Variants in SLPI observed in about 807,000 individuals in gnomAD.
The protein encoded by SLPI is secretory leukocyte peptidase inhibitor.
A neutral mutation model predicts 14.3 loss-of-function variants in SLPI; 20 were observed. The observed-to-expected ratio is 1.40, with a 90% CI of 0.99 to 2.04. SLPI has a LOEUF of 2.04. Among genes scored for constraint, SLPI ranks in the 30% most tolerant of loss-of-function variants. The pLI is 0.00. For synonymous variants in SLPI, 68 were observed against 54.8 expected (o/e 1.24, Z -1.07); for missense variants, 169 against 159.4 (o/e 1.06, Z -0.32).
At position 45,253,287 on chromosome 20, in the gene SLPI, T is replaced by C. The variant is rs2145610743; in HGVS notation, c.245-136A>G. The stretch of plus-strand genomic sequence containing the variant: ...CTCCCCACCTCTATCACCACCACCT[T>C]CTCCCTAAGGCGGCCCCCAAACATA... On this transcript the variant is annotated intron_variant, in intron 2 of 3. Transcript: ENST00000338380. 4.6e-6 allele frequency: 5 copies of C among 1,093,976 alleles called. No individual in the cohort carries two copies. In the South Asian group the frequency reaches 7.9e-5, roughly 17 times the overall value. The allele number at this position is 1,093,976 out of a possible 1,614,324, so 67.8% of individuals were successfully genotyped here. A position where few individuals can be genotyped will look rare whatever the true frequency, so the allele number is the denominator to read the frequency against.
rs1984684357 is a variant in SLPI, at chr20:45,252,296, C to G, written c.*119G>C. 9 of 870,160 alleles carry G rather than the reference C, an allele frequency of 1.0e-5. No individual in the cohort carries two copies. Among genetic ancestry groups the G allele is most frequent in the South Asian group, 5.1e-5 (3 of 59,284 alleles). The allele number at this position is 870,160 out of a possible 1,614,324, so 53.9% of individuals were successfully genotyped here. A position where few individuals can be genotyped will look rare whatever the true frequency, so the allele number is the denominator to read the frequency against. ...TTGATCAACTGGCACTTCTTGAAAG[C>G]CTGCTGTGTGCCAAGCCTTTCCCCA... On this transcript the variant is annotated 3_prime_UTR_variant, in exon 4 of 4. Coordinates refer to ENST00000338380, the MANE Select transcript of SLPI (RefSeq NM_003064.4).
At chr20:45,253,820 G>A (rs1984738812) in intron 1 of SLPI, 87 bp from the exon 2 acceptor site, 5 of 1,254,306 alleles carry the variant, frequency 4.0e-6, no homozygotes, top group Non-Finnish European at 5.6e-6. Context: ...CTTTTGAGGG[G>A]GAGAGACCCT....
chr20:45,252,692 C>T (rs943132996), intron 3 of SLPI, among the ~76,000 whole-genome samples: 2 of 152,176 alleles, frequency 1.3e-5, no homozygotes, highest in African/African-American at 4.8e-5. Context: ...ATTCTTAGTG[C>T]ACATAGTGCT....
chr20:45,254,484 A>G lies in SLPI; in HGVS notation c.60T>C (p.Pro20=), dbSNP rs1440623679. ...LVLLALGTLA[P]WAVEGSGKSF... is the part of the protein sequence containing the mutation. ...ACTTTCCAGAGCCTTCCACAGCCCAAGGTGCCAGAGTTCCCAGGGCAAGCA... is the reference window on the plus strand; with the variant it reads ...ACTTTCCAGAGCCTTCCACAGCCCAGGGTGCCAGAGTTCCCAGGGCAAGCA... The change falls in exon 1 of 4, where the codon CCT becomes CCC. Residue 20 remains proline (P), a synonymous_variant. Transcript: ENST00000338380. 3 of 1,614,166 alleles carry G rather than the reference A, an allele frequency of 1.9e-6. No homozygotes were observed. The highest frequency in any genetic ancestry group is 1.7e-4 in the Middle Eastern group (1 of 6,060).
At chr20:45,253,303 C>T (rs935382950) in intron 2 of SLPI, 152 bp from the exon 3 acceptor site, 1 of 1,002,844 alleles carries the variant, frequency 1.0e-6, no homozygotes, top group South Asian at 1.7e-5. Flanking sequence ...TAAGGCGGCC[C>T]CCAAACATAG....
chr20:45,254,532 G>A lies in SLPI; in HGVS notation c.12C>T (p.Ser4=), dbSNP rs544273896. The A allele has an allele frequency of 8.7e-6, 14 of 1,613,818 alleles. No individual in the cohort carries two copies. The highest frequency in any genetic ancestry group is 4.5e-5 in the East Asian group (2 of 44,894). MKS[S]GLFPFLVLLA... The stretch of plus-strand genomic sequence containing the variant: ...GCAGCACCAGGAAGGGGAAGAGGCC[G>A]CTGGACTTCATGGTGAAGGCAGGAG... Residue 4 remains serine (S), a synonymous_variant, in exon 1 of 4, where the codon AGC becomes AGT. Transcript: ENST00000338380.
intron 1 of SLPI, 78 bp downstream of exon 1, chr20:45,254,381 A>AT (rs1245203397): frequency 8.2e-7 from 1 of 1,213,616 alleles, no homozygotes; most frequent in Non-Finnish European, 1.2e-6. Context: ...AGCCTACAGA[A>AT]GGGGACACAC....
Position 45,253,707 on chromosome 20 carries a change from TAGG to T in SLPI, c.109_111del (p.Pro37del), listed in dbSNP as rs1243441784. The T allele has an allele frequency of 1.9e-6, 3 of 1,613,996 alleles. No homozygotes were observed. The highest frequency in any genetic ancestry group is 2.7e-5 in the African/African-American group (2 of 74,894). ...TATCTAAGGCACTGGGCAGATTTCT[TAGG>T]AGGACAGACTCCAGCTTTGAAGGCT... On this transcript the variant is annotated inframe_deletion, in exon 2 of 4. Coordinates refer to ENST00000338380, the MANE Select transcript of SLPI (RefSeq NM_003064.4).
intron 3 of SLPI, 58 bp from the exon 4 acceptor site, chr20:45,252,477 A>C: frequency 6.3e-7 from 1 of 1,589,714 alleles, no homozygotes; most frequent in East Asian, 2.2e-5. Flanking sequence ...TCATATCCAC[A>C]TCCTTCCTCC....
At chr20:45,253,214 CTTT>C in intron 2 of SLPI, 63 bp from the exon 3 acceptor site, 1 of 1,559,046 alleles carries the variant, frequency 6.4e-7, no homozygotes. Context: ...CCCATCCCCA[CTTT>C]TTAGAGTGAG....
At chr20:45,252,873 C>T in intron 3 of SLPI, 129 bp downstream of exon 3, 1 of 985,330 alleles carries the variant, frequency 1.0e-6, no homozygotes, top group Non-Finnish European at 1.5e-6. Flanking sequence ...TCTTGAAGGA[C>T]AAGGGAGTCA....
At position 45,252,266 on chromosome 20, in the gene SLPI, A is replaced by G. The variant is rs532097051; in HGVS notation, c.*149T>C. 1 of 644,894 alleles carries G rather than the reference A, an allele frequency of 1.6e-6. No homozygotes were observed. The highest frequency in any genetic ancestry group is 3.2e-5 in the Admixed American group (1 of 31,040). 39.9% of individuals were successfully genotyped at this position (644,894 alleles called of 1,614,324 possible). ...CAAAGAGAAATAGGCTCGTTTATTT[A>G]TTCATTGATCAACTGGCACTTCTTG... On this transcript the variant is annotated 3_prime_UTR_variant, in exon 4 of 4. Transcript: ENST00000338380.
rs1228808916 is a variant in SLPI at position 45,252,387 on chromosome 20, C to A, written c.*28G>T. On this transcript the variant is annotated 3_prime_UTR_variant, in exon 4 of 4. Coordinates refer to ENST00000338380, the MANE Select transcript of SLPI (RefSeq NM_003064.4). ...AGGACCTGGACCACACAGAGCAGGA[C>A]TCCAGAGCCTCCTCCATATGGCAGG... is the stretch of plus-strand genomic sequence containing the variant. 2 of 1,613,254 alleles carry A rather than the reference C, an allele frequency of 1.2e-6. No homozygotes were observed. Among genetic ancestry groups the A allele is most frequent in the African/African-American group, 2.7e-5 (2 of 75,034 alleles).
intron 2 of SLPI, 114 bp from the exon 3 acceptor site, chr20:45,253,265 C>T (rs1343818084): frequency 1.0e-5 from 13 of 1,269,454 alleles, no homozygotes; most frequent in Non-Finnish European, 1.4e-5. Context: ...TCATCCCCTC[C>T]CCACCTCTAT....
At chr20:45,253,292 C>G in intron 2 of SLPI, 141 bp from the exon 3 acceptor site, 3 of 1,059,108 alleles carry the variant, frequency 2.8e-6, no homozygotes, top group Non-Finnish European at 4.0e-6. Context: ...CACCTTCTCC[C>G]TAAGGCGGCC....
chr20:45,254,021 G>A (rs1984744174), intron 1 of SLPI, among the ~76,000 whole-genome samples: 1 of 152,174 alleles, frequency 6.6e-6, no homozygotes, highest in South Asian at 2.1e-4. Context: ...GGAAGGCTGG[G>A]AGTGATGGAG....
chr20:45,254,119 C>T (rs1491003535), intron 1 of SLPI, among the ~76,000 whole-genome samples: 1 of 150,924 alleles, frequency 6.6e-6, no homozygotes, highest in Admixed American at 6.6e-5. Context: ...GACAAAATAG[C>T]AGAAGCAAAG....
chr20:45,253,675 T>A lies in SLPI; in HGVS notation c.144A>T (p.Lys48Asn). 6.2e-7 allele frequency: 1 copy of A among 1,614,092 alleles called. No homozygotes were observed. Among genetic ancestry groups the A allele is most frequent in the Non-Finnish European group, 8.5e-7 (1 of 1,179,976 alleles). ...KKSAQCLRYK[K>N]PECQSDWQCP... ...ACTGCCAGTCACTCTGGCACTCAGG[T>A]TTCTTGTATCTAAGGCACTGGGCAG... is the stretch of plus-strand genomic sequence containing the variant. The change falls in exon 2 of 4, where the codon AAA becomes AAT. Residue 48 changes from lysine (K) to asparagine (N), a missense_variant. Physicochemically the swap from Lys to Asn is moderately conservative, Grantham distance 94 (BLOSUM62 0). Transcript: ENST00000338380.
rs201623021 is a variant in SLPI, at chr20:45,253,018, G to A, written c.378C>T (p.Cys126=). 1.8e-5 allele frequency: 29 copies of A among 1,613,970 alleles called. No individual in the cohort carries two copies. Among genetic ancestry groups the A allele is most frequent in the East Asian group, 2.2e-5 (1 of 44,870 alleles). ...KCCMGMCGKS[C]VSPVKA The stretch of plus-strand genomic sequence containing the variant: ...CCTGCTTACCTTTCACAGGGGAAAC[G>A]CAGGATTTCCCACACATGCCCATGC... Residue 126 remains cysteine (C), a synonymous_variant, in exon 3 of 4, where the codon TGC becomes TGT. Transcript: ENST00000338380.
Sources: allele counts gnomAD v4.1 joint callset (sites outside exome capture counted in the v4.1 genomes callset), GRCh38; gene constraint gnomAD v4.1.1; transcripts MANE v1.5; gene names NCBI Gene and HGNC (gene_info 2026-07-23, HGNC 2026-07-21).